The following IFT140 variants were observed in gnomAD, a reference collection of about 807,000 sequenced individuals.
IFT140 encodes the protein intraflagellar transport protein 140 homolog.
In IFT140, 133 loss-of-function variants were observed where a neutral mutation model predicts 164.6. The observed-to-expected ratio is 0.81, with a 90% CI of 0.70 to 0.93. The LOEUF is 0.93. IFT140 is among the 40% of genes least tolerant of loss of function. IFT140 has a pLI of 0.00. For synonymous variants in IFT140, 860 were observed against 817.3 expected (o/e 1.05, Z -0.89); for missense variants, 2,045 against 1,972.3 (o/e 1.04, Z -0.70).
rs758567177 is a variant in IFT140 at position 1,571,522 on chromosome 16, G to C, written c.1537C>G (p.Gln513Glu). ...TCAGTCTCCGAGAAAAGGAGGAGTT[G>C]TTTGACAGTCCCCTGAGGAAAAGGA... ...QVRTWQGTVK[Q>E]LLLFSETEGN... The change falls in exon 14 of 31, where the codon CAA becomes GAA. Residue 513 changes from glutamine (Q) to glutamate (E), a missense_variant. Coordinates refer to ENST00000426508, the MANE Select transcript of IFT140 (RefSeq NM_014714.4). 6.2e-7 allele frequency: 1 copy of C among 1,611,872 alleles called. No individual in the cohort carries two copies. The highest frequency in any genetic ancestry group is 8.5e-7 in the Non-Finnish European group (1 of 1,179,304).
At chr16:1,524,216 T>G in intron 24 of IFT140, 1 of 615,208 alleles carries the variant, frequency 1.6e-6, no homozygotes. Flanking sequence ...GAGCCCAGGT[T>G]GGGACATTTG....
At chr16:1,513,305 C>G (rs138281913) in intron 30 of IFT140, 2 of 152,096 alleles carry the variant, frequency 1.3e-5, no homozygotes, top group African/African-American at 2.4e-5. Context: ...CTGGCTAACA[C>G]GGTGAAACCC....
intron 2 of IFT140, among the ~76,000 whole-genome samples, chr16:1,607,754 C>T (rs2036148814): frequency 6.6e-6 from 1 of 152,180 alleles, no homozygotes; most frequent in Non-Finnish European, 1.5e-5. Context: ...AGTGATCCTC[C>T]CACCTCAGCC....
intron 19 of IFT140, among the ~76,000 whole-genome samples, chr16:1,545,816 C>A (rs2032121728): frequency 6.6e-6 from 1 of 152,230 alleles, no homozygotes; most frequent in Non-Finnish European, 1.5e-5. Flanking sequence ...TGCTCTCGCT[C>A]CATGAATGTT....
chr16:1,539,616 G>A (rs2031430596), intron 19 of IFT140, among the ~76,000 whole-genome samples: 1 of 152,258 alleles, frequency 6.6e-6, no homozygotes, highest in Non-Finnish European at 1.5e-5. Context: ...GAGCGCTATG[G>A]TTTCTAACTC....
At chr16:1,535,230 A>T (rs1224011239) in intron 19 of IFT140, among the ~76,000 whole-genome samples, 2 of 152,144 alleles carry the variant, frequency 1.3e-5, no homozygotes, top group African/African-American at 4.8e-5. Context: ...GGAGGCCAGG[A>T]CGCTCGGAAG....
rs1392078692 is a variant in IFT140, at chr16:1,521,812, G to A, written c.3454-1004C>T. 7.9e-5 allele frequency among the ~76,000 whole-genome samples: 12 copies of A among 151,162 alleles called. No individual in the cohort carries two copies. In the East Asian group the frequency reaches 2.4e-3, roughly 30 times the overall value. ...AAGGTGAGAGGATCACTTGGGCCTA[G>A]GAGTTTGAGACCAGCCTGGGCAACA... On this transcript the variant is annotated intron_variant, in intron 26 of 30. Coordinates refer to ENST00000426508, the MANE Select transcript of IFT140 (RefSeq NM_014714.4).
chr16:1,548,188 T>A (rs1387080131), intron 19 of IFT140, among the ~76,000 whole-genome samples: 1 of 151,962 alleles, frequency 6.6e-6, no homozygotes, highest in Non-Finnish European at 1.5e-5. Flanking sequence ...AGCAGGGACT[T>A]GAGGTGGCCA....
intron 24 of IFT140, 77 bp from the exon 25 acceptor site, chr16:1,524,033 G>C: frequency 1.3e-6 from 2 of 1,553,762 alleles, no homozygotes; most frequent in Non-Finnish European, 8.7e-7. Flanking sequence ...GAATGTGGCC[G>C]GGTGCGAACC....
At chr16:1,595,177 C>G (rs912208581) in intron 4 of IFT140, among the ~76,000 whole-genome samples, 22 of 152,066 alleles carry the variant, frequency 1.4e-4, no homozygotes, top group African/African-American at 5.1e-4. Flanking sequence ...CCCAGCTACT[C>G]GGGAGGCTGA....
Position 1,568,140 on chromosome 16 carries a change from C to T in IFT140, c.1770+77G>A, listed in dbSNP as rs975240358. The T allele has an allele frequency of 2.5e-4, 258 of 1,013,936 alleles. 1 individual carries two copies. Among genetic ancestry groups the T allele is most frequent in the Non-Finnish European group, 3.1e-4 (206 of 669,176 alleles). 62.8% of individuals were successfully genotyped at this position (1,013,936 alleles called of 1,614,324 possible). On this transcript the variant is annotated intron_variant, in intron 15 of 30. Transcript: ENST00000426508. Reference sequence around the variant, plus strand: ...AGACTTGCACAGGAGGAGAGAGGCACGAGCAGGCAGGAGGCCTGGCCTGGG... The same window carrying T: ...AGACTTGCACAGGAGGAGAGAGGCATGAGCAGGCAGGAGGCCTGGCCTGGG...
In IFT140 at chr16:1,607,107, T is replaced by TCTGAGCA; in HGVS notation, c.147+6_147+12dup. ...AGCTACCACAGTCAGGCTCCTTGCT[T>TCTGAGCA]CTGAGCACTCACTTGCTCCAGGTAA... On this transcript the variant is annotated intron_variant, in intron 3 of 30. Transcript: ENST00000426508. 1 of 1,613,362 alleles carries TCTGAGCA rather than the reference T, an allele frequency of 6.2e-7. No homozygotes were observed.
At position 1,557,108 on chromosome 16, in the gene IFT140, C is replaced by T. The variant is rs188088580; in HGVS notation, c.2399+827G>A. Among the ~76,000 whole-genome samples, 1,440 of 148,560 alleles carry T rather than the reference C, an allele frequency of 9.7e-3. 11 individuals are homozygous for T. The highest frequency in any genetic ancestry group is 0.021 in the Middle Eastern group (6 of 292). On this transcript the variant is annotated intron_variant, in intron 19 of 30. Transcript: ENST00000426508. ...GTGCTGGGATTAAAGGCGTGAGCCA[C>T]CGTGCCCCGGCCATATTGAAGGTTT...
At chr16:1,593,187 A>G (rs1205324153) in intron 4 of IFT140, among the ~76,000 whole-genome samples, 2 of 152,274 alleles carry the variant, frequency 1.3e-5, no homozygotes, top group Non-Finnish European at 2.9e-5. Context: ...ACTACTGTGT[A>G]TACACGATGA....
intron 19 of IFT140, among the ~76,000 whole-genome samples, chr16:1,556,406 C>T (rs528582868): frequency 4.6e-4 from 70 of 152,376 alleles, no homozygotes; most frequent in Middle Eastern, 3.4e-3. Flanking sequence ...TGCCTGGGTG[C>T]GGCACTGCCT....
Position 1,511,032 on chromosome 16 carries a change from G to A in IFT140, c.4301C>T (p.Thr1434Ile). The A allele has an allele frequency of 6.2e-7, 1 of 1,606,012 alleles. No individual in the cohort carries two copies. Among genetic ancestry groups the A allele is most frequent in the Non-Finnish European group, 8.5e-7 (1 of 1,176,088 alleles). ...GTTGTGGCGGACCTGCTCGGGGACG[G>A]TGCGTGGCAGTGGGAGACCCAGCCC... is the stretch of plus-strand genomic sequence containing the variant. ...HRGLGLPLPR[T>I]VPEQVRHNSM... The change falls in exon 31 of 31, where the codon ACC (threonine) becomes ATC (isoleucine). Residue 1434 changes from threonine to isoleucine, a missense_variant. By Grantham distance (89) the Thr-to-Ile change is moderately conservative. Transcript: ENST00000426508.
chr16:1,541,265 G>A (rs770614623), intron 19 of IFT140: 91 of 985,308 alleles, frequency 9.2e-5, no homozygotes, highest in Middle Eastern at 1.0e-3. Flanking sequence ...ATGGGGTGAC[G>A]GGGCCCCAGG....
chr16:1,566,102 G>C, intron 16 of IFT140, 59 bp downstream of exon 16: 2 of 1,576,190 alleles, frequency 1.3e-6, no homozygotes, highest in Non-Finnish European at 1.7e-6. Flanking sequence ...CCGCCCAGAA[G>C]CCGAGAAGTA....
intron 27 of IFT140, 121 bp downstream of exon 27, chr16:1,520,481 C>G (rs1394328606): frequency 6.7e-5 from 91 of 1,357,526 alleles, no homozygotes; most frequent in Non-Finnish European, 8.8e-5. Context: ...TGTGCTCTTC[C>G]TGGCCAGAAA....
Sources: allele counts gnomAD v4.1 joint callset (sites outside exome capture counted in the v4.1 genomes callset), GRCh38; gene constraint gnomAD v4.1.1; transcripts MANE v1.5; gene names NCBI Gene and HGNC (gene_info 2026-07-23, HGNC 2026-07-21).